CYTH3: variants seen among roughly 807,000 people sequenced by gnomAD.
The protein encoded by CYTH3 is cytohesin 3, also known as cytohesin-3.
Under a neutral mutation model 55.1 loss-of-function variants are expected in CYTH3, and 23 were observed. The ratio of observed to expected loss-of-function variants is 0.42; its 90% confidence interval spans 0.30 to 0.59. The LOEUF is 0.59. CYTH3 is among the 20% of genes least tolerant of loss of function. The pLI, the probability that CYTH3 is intolerant of heterozygous loss-of-function variation, is 0.20. For missense variants in CYTH3, 413 were observed against 524.8 expected (o/e 0.79, Z 2.08); for synonymous variants, 249 against 194.9 (o/e 1.28, Z -2.31).
chr7:6,170,235 G>A lies in CYTH3; in HGVS notation c.823+300C>T, dbSNP rs1452804003. On this transcript the variant is annotated intron_variant, in intron 9 of 12. Coordinates refer to ENST00000350796, the MANE Select transcript of CYTH3 (RefSeq NM_004227.4). The surrounding 1 kb of genome is among the most constrained non-coding windows in gnomAD (Gnocchi z 7.8). Reference sequence around the variant, plus strand: ...CACACAGGCTCTGTGGAGATAATGCGCTTGCTTCTCGTGCAGGAAGCTGCC... The same window carrying A: ...CACACAGGCTCTGTGGAGATAATGCACTTGCTTCTCGTGCAGGAAGCTGCC... 5.1e-6 allele frequency: 2 copies of A among 392,824 alleles called. No individual in the cohort carries two copies. Among genetic ancestry groups the A allele is most frequent in the Non-Finnish European group, 9.2e-6 (2 of 217,974 alleles). 24.3% of individuals were successfully genotyped at this position (392,824 alleles called of 1,614,324 possible). A position where few individuals can be genotyped will look rare whatever the true frequency, so the allele number is the denominator to read the frequency against.
In CYTH3 at chr7:6,162,446, T is replaced by G. The variant is rs1782862421; in HGVS notation, c.*2498A>C. ...GGGTGGGGAGGAGGAGGACTGTGAT[T>G]GTGACGCGGCCTGCCCAGGGTGAGG... On this transcript the variant is annotated 3_prime_UTR_variant, in exon 13 of 13. Transcript: ENST00000350796. The G allele has an allele frequency of 1.3e-5, 2 of 152,240 alleles. No individual in the cohort carries two copies. The highest frequency in any genetic ancestry group is 6.8e-3 in the Middle Eastern group (2 of 296). 9.4% of individuals were successfully genotyped at this position (152,240 alleles called of 1,614,324 possible). A position where few individuals can be genotyped will look rare whatever the true frequency, so the allele number is the denominator to read the frequency against.
chr7:6,265,278 G>A (rs938233844), intron 1 of CYTH3, among the ~76,000 whole-genome samples: 1 of 151,922 alleles, frequency 6.6e-6, no homozygotes, highest in Non-Finnish European at 1.5e-5. Context: ...ATCATATGTG[G>A]CCCACAAAGC....
chr7:6,216,861 GA>G (rs71549612), intron 1 of CYTH3, among the ~76,000 whole-genome samples: 4,886 of 95,546 alleles, frequency 0.051, 208 homozygotes, highest in African/African-American at 0.14. Context: ...AGCTGAACAG[GA>G]AAAAAAAAAA....
At chr7:6,195,988 G>A (rs1161281553) in intron 1 of CYTH3, among the ~76,000 whole-genome samples, 1 of 152,096 alleles carries the variant, frequency 6.6e-6, no homozygotes, top group South Asian at 2.1e-4. Flanking sequence ...CGATGTCATC[G>A]GTAACCCAGT....
Position 6,165,298 on chromosome 7 carries a change from T to C in CYTH3, c.1102A>G (p.Lys368Glu), listed in dbSNP as rs542536904. The C allele has an allele frequency of 1.4e-5, 22 of 1,613,430 alleles. No individual in the cohort carries two copies. Among genetic ancestry groups the C allele is most frequent in the East Asian group, 2.2e-5 (1 of 44,858 alleles). Residue 368 changes from lysine to glutamate, a missense_variant, in exon 12 of 13, where the codon AAG becomes GAG. By Grantham distance (56) the Lys-to-Glu change is moderately conservative (BLOSUM62 1). Coordinates refer to ENST00000350796, the MANE Select transcript of CYTH3 (RefSeq NM_004227.4). ...YRISAPSPEE[K>E]EEWMKSIKAS... Reference sequence around the variant, plus strand: ...TTGATGGATTTCATCCACTCCTCCTTCTCCTCCGGGCTCGGGGCTGAGATC... The same window carrying C: ...TTGATGGATTTCATCCACTCCTCCTCCTCCTCCGGGCTCGGGGCTGAGATC...
intron 2 of CYTH3, 138 bp from the exon 3 acceptor site, chr7:6,187,859 T>A (rs1285211664): frequency 1.4e-6 from 1 of 714,156 alleles, no homozygotes; most frequent in Admixed American, 2.1e-5. Context: ...ACCAATACTA[T>A]TATCAATACA....
At chr7:6,179,680 A>C (rs1279884121) in intron 4 of CYTH3, among the ~76,000 whole-genome samples, 2 of 72,032 alleles carry the variant, frequency 2.8e-5, no homozygotes, top group African/African-American at 8.0e-5. Flanking sequence ...CACACACCAC[A>C]CACACCCCCC....
At chr7:6,179,672 C>A in intron 4 of CYTH3, among the ~76,000 whole-genome samples, 1 of 108,304 alleles carries the variant, frequency 9.2e-6, no homozygotes, top group Admixed American at 9.1e-5. Flanking sequence ...ACCCCACACA[C>A]ACACCACACA....
At chr7:6,272,135 T>C (rs550037994) in intron 1 of CYTH3, among the ~76,000 whole-genome samples, 2 of 152,240 alleles carry the variant, frequency 1.3e-5, no homozygotes, top group South Asian at 4.1e-4. Flanking sequence ...GGCGACAAGA[T>C]GCGGGGAAGG....
chr7:6,165,665 A>C, intron 10 of CYTH3, 49 bp from the exon 11 acceptor site: 1 of 1,612,996 alleles, frequency 6.2e-7, no homozygotes, highest in Non-Finnish European at 8.5e-7. Flanking sequence ...CACCAGCCTG[A>C]GGGTCCCTCG....
rs1326806420 is a variant in CYTH3, at chr7:6,165,883, A to G, written c.824-73T>C. ...CCGCGGGTCCAAGAGGGGGCCCTGG[A>G]CCTGCACAGACCACTGCGTTTTCAG... On this transcript the variant is annotated intron_variant, in intron 9 of 12. Coordinates refer to ENST00000350796, the MANE Select transcript of CYTH3 (RefSeq NM_004227.4). 2.8e-6 allele frequency: 4 copies of G among 1,428,242 alleles called. No individual in the cohort carries two copies. In the African/African-American group the frequency reaches 4.2e-5, roughly 15 times the overall value. The allele number at this position is 1,428,242 out of a possible 1,614,324, so 88.5% of individuals were successfully genotyped here.
intron 1 of CYTH3, among the ~76,000 whole-genome samples, chr7:6,204,050 A>C (rs77512150): frequency 7.2e-6 from 1 of 138,790 alleles, no homozygotes; most frequent in African/African-American, 2.7e-5. Context: ...TTCACAATAG[A>C]AAAAAAAAAA....
intron 5 of CYTH3, 125 bp from the exon 6 acceptor site, chr7:6,173,858 T>C: frequency 1.5e-6 from 1 of 670,848 alleles, no homozygotes; most frequent in Non-Finnish European, 2.7e-6. Flanking sequence ...CATGCTTTTT[T>C]AAAACATTTG....
intron 4 of CYTH3, among the ~76,000 whole-genome samples, 181 bp from the exon 5 acceptor site, chr7:6,178,122 A>G (rs1023175348): frequency 2.0e-5 from 3 of 152,280 alleles, no homozygotes; most frequent in Non-Finnish European, 4.4e-5. Context: ...TATCCACCAA[A>G]GAAACGCACG....
rs879104310 is a variant in CYTH3, at chr7:6,165,800, C to T, written c.834G>A (p.Val278=). ...EGWLLKLGGR[V]KTWKRRWFIL... ...TGAACCACCGGCGCTTCCAGGTCTT[C>T]ACACGCCCTCCTAGAAGCAGAAGGG... Residue 278 remains valine, a synonymous_variant, in exon 10 of 13, where the codon GTG becomes GTA. Transcript: ENST00000350796. 2 of 1,613,942 alleles carry T rather than the reference C, an allele frequency of 1.2e-6. No individual in the cohort carries two copies. Among genetic ancestry groups the T allele is most frequent in the Non-Finnish European group, 1.7e-6 (2 of 1,179,990 alleles).
intron 2 of CYTH3, 46 bp downstream of exon 2, chr7:6,190,403 C>CA (rs1372719205): frequency 1.5e-6 from 2 of 1,354,746 alleles, no homozygotes; most frequent in Admixed American, 7.1e-5. Flanking sequence ...TACTCAAAAG[C>CA]AAAAAACAGA....
intron 1 of CYTH3, among the ~76,000 whole-genome samples, chr7:6,206,497 T>C (rs766342180): frequency 2.0e-5 from 3 of 152,236 alleles, no homozygotes; most frequent in African/African-American, 7.2e-5. Flanking sequence ...CAGAGCCTCC[T>C]GTGATGTTGC....
intron 5 of CYTH3, among the ~76,000 whole-genome samples, chr7:6,176,235 T>C (rs1318797291): frequency 6.6e-6 from 1 of 151,852 alleles, no homozygotes; most frequent in African/African-American, 2.4e-5. Context: ...CTCATTGCTA[T>C]TGTATAGAAA....
intron 1 of CYTH3, among the ~76,000 whole-genome samples, chr7:6,201,327 G>A (rs901958912): frequency 1.3e-5 from 2 of 152,250 alleles, no homozygotes; most frequent in Non-Finnish European, 2.9e-5. Flanking sequence ...TGCAGGGGCA[G>A]GCAGGAAAGC....
Sources: allele counts gnomAD v4.1 joint callset (sites outside exome capture counted in the v4.1 genomes callset), GRCh38; gene constraint gnomAD v4.1.1; non-coding constraint Gnocchi (gnomAD v3.1); transcripts MANE v1.5; gene names NCBI Gene and HGNC (gene_info 2026-07-23, HGNC 2026-07-21).